ARAP2: variants seen among roughly 807,000 people sequenced by gnomAD.
ARAP2 encodes ArfGAP with RhoGAP domain, ankyrin repeat and PH domain 2.
ARAP2 carries 148 observed loss-of-function variants against 194.5 expected under a neutral mutation model. The observed-to-expected ratio is 0.76, with a 90% confidence interval of 0.67 to 0.87. The LOEUF is 0.87. Ranked by LOEUF, ARAP2 falls within the 40% of genes least tolerant of loss-of-function variation. ARAP2 has a pLI of 0.00. For missense variants in ARAP2, 2,128 were observed against 1,989.7 expected (o/e 1.07, Z -1.32); for synonymous variants, 695 against 683.5 (o/e 1.02, Z -0.26).
intron 11 of ARAP2, among the ~76,000 whole-genome samples, chr4:36,163,549 A>G (rs1467060433): frequency 6.6e-6 from 1 of 152,190 alleles, no homozygotes; most frequent in Non-Finnish European, 1.5e-5. Flanking sequence ...ACCTATGCAC[A>G]CTACAACTTT....
rs1434561572 is a variant in ARAP2, at chr4:36,244,384, C to T, written c.-365G>A. The T allele has an allele frequency of 2.7e-5, 4 of 150,462 alleles. No individual in the cohort carries two copies. Among genetic ancestry groups the T allele is most frequent in the African/African-American group, 9.7e-5 (4 of 41,178 alleles). The allele number at this position is 150,462 out of a possible 1,614,324, so 9.3% of individuals were successfully genotyped here. On this transcript the variant is annotated 5_prime_UTR_variant, in exon 1 of 33. Transcript: ENST00000303965. The stretch of plus-strand genomic sequence containing the variant: ...CGGGCGGCGCTGTTAGTGGGGCCGG[C>T]GTGTCGCGGCCGCCGCACCTGGAGG...
chr4:36,109,520 G>C (rs10440312), intron 26 of ARAP2, among the ~76,000 whole-genome samples: 5 of 151,818 alleles, frequency 3.3e-5, no homozygotes, highest in Admixed American at 2.0e-4. Flanking sequence ...AAAATCTTTT[G>C]TGCTATGTCA....
chr4:36,151,485 T>G, intron 15 of ARAP2, among the ~76,000 whole-genome samples: 1 of 152,202 alleles, frequency 6.6e-6, no homozygotes, highest in Non-Finnish European at 1.5e-5. Context: ...AAATTCATCT[T>G]ATACTGAAGT....
At chr4:36,195,832 G>T (rs923088479) in intron 6 of ARAP2, among the ~76,000 whole-genome samples, 11 of 152,026 alleles carry the variant, frequency 7.2e-5, no homozygotes, top group African/African-American at 2.7e-4. Flanking sequence ...TTATATATTT[G>T]CTTATTTGCT....
chr4:36,175,498 C>T (rs111990416), intron 9 of ARAP2, among the ~76,000 whole-genome samples: 37 of 152,252 alleles, frequency 2.4e-4, no homozygotes, highest in African/African-American at 8.7e-4. Flanking sequence ...ACGTGGACGG[C>T]CTTCCTTATC....
chr4:36,171,730 G>A (rs377740857), intron 9 of ARAP2, among the ~76,000 whole-genome samples: 2 of 152,002 alleles, frequency 1.3e-5, no homozygotes, highest in African/African-American at 4.8e-5. Flanking sequence ...CACAGGACTA[G>A]CTAGCTCTTG....
intron 6 of ARAP2, among the ~76,000 whole-genome samples, chr4:36,194,988 T>A (rs1040848937): frequency 2.0e-5 from 3 of 151,788 alleles, no homozygotes; most frequent in Middle Eastern, 3.4e-3. Flanking sequence ...CAAAACCCTG[T>A]CTCTACAAAA....
chr4:36,143,449 C>T (rs1490895891), intron 19 of ARAP2, among the ~76,000 whole-genome samples: 1 of 151,552 alleles, frequency 6.6e-6, no homozygotes, highest in Non-Finnish European at 1.5e-5. Context: ...TAAATTAATA[C>T]TGAACACTTG....
At chr4:36,082,596 G>A (rs994603360) in intron 29 of ARAP2, among the ~76,000 whole-genome samples, 1 of 152,100 alleles carries the variant, frequency 6.6e-6, no homozygotes, top group Non-Finnish European at 1.5e-5. Context: ...AATATAGAGA[G>A]ATGTACGGTT....
chr4:36,173,505 AAAGG>A (rs1158458697), intron 9 of ARAP2, among the ~76,000 whole-genome samples: 1 of 152,164 alleles, frequency 6.6e-6, no homozygotes, highest in Non-Finnish European at 1.5e-5. Flanking sequence ...TGCAAAACAA[AAAGG>A]AACCGACAAA....
chr4:36,052,396 T>C (rs1722810326), intron 2 of ARAP2, among the ~76,000 whole-genome samples: 1 of 152,204 alleles, frequency 6.6e-6, no homozygotes, highest in African/African-American at 2.4e-5. Flanking sequence ...AAATCAATGT[T>C]AATTGAGTTC....
At chr4:36,198,806 G>A (rs1184759257) in intron 6 of ARAP2, among the ~76,000 whole-genome samples, 1 of 152,360 alleles carries the variant, frequency 6.6e-6, no homozygotes, top group South Asian at 2.1e-4. Flanking sequence ...GTCCCCAAGA[G>A]TGCAGAGATG....
chr4:36,161,369 G>T, intron 12 of ARAP2, 96 bp downstream of exon 12: 1 of 942,632 alleles, frequency 1.1e-6, no homozygotes, highest in Non-Finnish European at 1.7e-6. Flanking sequence ...ACAGCCCCGA[G>T]AAAAATTCCT....
At chr4:36,083,504 TTTTC>T (rs746605820) in intron 28 of ARAP2, 54 bp from the exon 29 acceptor site, 2 of 1,267,472 alleles carry the variant, frequency 1.6e-6, no homozygotes, top group Non-Finnish European at 2.2e-6. Context: ...TTTCCTTACA[TTTTC>T]TTTGAGCATT....
intron 7 of ARAP2, among the ~76,000 whole-genome samples, chr4:36,192,128 ACT>A (rs1430501798): frequency 6.9e-6 from 1 of 145,364 alleles, no homozygotes. Context: ...CACAACAGAA[ACT>A]CTCTCTCCTT....
chr4:36,092,199 G>GC (rs1713873930), intron 27 of ARAP2, among the ~76,000 whole-genome samples, 179 bp from the exon 28 acceptor site: 1 of 152,170 alleles, frequency 6.6e-6, no homozygotes, highest in Non-Finnish European at 1.5e-5. Context: ...TCATGTATGG[G>GC]CCTGCCTGGA....
At chr4:36,197,457 G>A (rs1180425185) in intron 6 of ARAP2, among the ~76,000 whole-genome samples, 3 of 152,200 alleles carry the variant, frequency 2.0e-5, no homozygotes, top group Non-Finnish European at 4.4e-5. Context: ...ATTTTTATAT[G>A]ACAAAATAAA....
intron 7 of ARAP2, among the ~76,000 whole-genome samples, chr4:36,189,899 A>T (rs1444091921): frequency 6.6e-6 from 1 of 152,188 alleles, no homozygotes; most frequent in Non-Finnish European, 1.5e-5. Context: ...GTCCATTAAA[A>T]TATCAACTCT....
At chr4:36,085,120 T>C (rs1310697923) in intron 28 of ARAP2, among the ~76,000 whole-genome samples, 1 of 152,092 alleles carries the variant, frequency 6.6e-6, no homozygotes, top group Admixed American at 6.6e-5. Flanking sequence ...TAGTTCTTTA[T>C]GTATTTAATA....
Sources: gnomAD v4.1 joint callset for allele counts (sites outside exome capture counted in the v4.1 genomes callset) on GRCh38, gnomAD v4.1.1 for gene constraint, MANE v1.5 for transcripts, NCBI Gene and HGNC (gene_info 2026-07-23, HGNC 2026-07-21) for gene names.